The following RALB variants were observed in gnomAD, a reference collection of about 807,000 sequenced individuals.
RALB encodes the protein RAS like proto-oncogene B.
A neutral mutation model predicts 21.3 loss-of-function variants in RALB; 16 were observed. The observed-to-expected ratio is 0.75, with a 90% CI of 0.51 to 1.14. RALB has a LOEUF of 1.14. RALB is among the 50% of genes most tolerant of loss of function. The pLI is 0.00. For missense variants in RALB, 161 were observed against 256.2 expected (o/e 0.63, Z 2.54); for synonymous variants, 93 against 96.1 (o/e 0.97, Z 0.19).
chr2:120,289,676 G>A lies in RALB; in HGVS notation c.420G>A (p.Val140=), dbSNP rs1482922742. Residue 140 remains valine, a synonymous_variant, in exon 4 of 5, where the codon GTG becomes GTA. Coordinates refer to ENST00000272519, the MANE Select transcript of RALB (RefSeq NM_002881.3). ...SDLEERRQVP[V]EEARSKAEEW... ...TAGAGGAGCGGAGGCAGGTGCCTGT[G>A]GAGGAGGCCAGGAGTAAAGCCGAAG... 15 of 1,614,094 alleles carry A rather than the reference G, an allele frequency of 9.3e-6. No individual in the cohort carries two copies. The highest frequency in any genetic ancestry group is 1.3e-5 in the Non-Finnish European group (15 of 1,180,050).
chr2:120,286,276 CT>C (rs1380969702), intron 3 of RALB, among the ~76,000 whole-genome samples, 194 bp downstream of exon 3: 3 of 152,140 alleles, frequency 2.0e-5, no homozygotes, highest in Admixed American at 2.0e-4. Context: ...ATTATAATCT[CT>C]TTGGGCTTTC....
intron 2 of RALB, among the ~76,000 whole-genome samples, chr2:120,284,417 A>G (rs868462386): frequency 1.8e-4 from 27 of 146,764 alleles, no homozygotes; most frequent in African/African-American, 6.8e-4. Flanking sequence ...TTTTTTTTTG[A>G]GATGTAGTTT....
At chr2:120,254,593 G>T (rs543470332) in intron 1 of RALB, among the ~76,000 whole-genome samples, 3 of 152,314 alleles carry the variant, frequency 2.0e-5, no homozygotes, top group African/African-American at 7.2e-5. Flanking sequence ...AGAAGATGAG[G>T]GTAGAAAAGT....
intron 1 of RALB, among the ~76,000 whole-genome samples, chr2:120,240,579 G>T (rs900353429): frequency 1.3e-5 from 2 of 152,154 alleles, no homozygotes; most frequent in Admixed American, 6.5e-5. Flanking sequence ...GATCACAGGT[G>T]TGAGCCACCG....
At chr2:120,278,879 A>G in intron 2 of RALB, 101 bp downstream of exon 2, 1 of 1,149,820 alleles carries the variant, frequency 8.7e-7, no homozygotes, top group East Asian at 3.0e-5. Flanking sequence ...ACAGGGGTTC[A>G]CGGAGCAAGT....
At chr2:120,268,655 C>T (rs1029483668) in intron 1 of RALB, among the ~76,000 whole-genome samples, 1 of 152,164 alleles carries the variant, frequency 6.6e-6, no homozygotes, top group Non-Finnish European at 1.5e-5. Flanking sequence ...GCCTAGGTGA[C>T]AGAGCAAGAA....
rs1054456179 is a variant in RALB, at chr2:120,293,923, T to C, written c.*663T>C. On this transcript the variant is annotated 3_prime_UTR_variant, in exon 5 of 5. Transcript: ENST00000272519. ...AACATTGGCCTATTATAATCTGTGT[T>C]GGTTATTTTTCTCCTGTAAGCATCC... The C allele has an allele frequency of 2.6e-6, 1 of 386,878 alleles. No individual in the cohort carries two copies. Among genetic ancestry groups the C allele is most frequent in the Middle Eastern group, 6.6e-4 (1 of 1,522 alleles). 24.0% of individuals were successfully genotyped at this position (386,878 alleles called of 1,614,324 possible). A position where few individuals can be genotyped will look rare whatever the true frequency, so the allele number is the denominator to read the frequency against.
chr2:120,242,961 C>T (rs1688917845), intron 1 of RALB, among the ~76,000 whole-genome samples: 2 of 152,138 alleles, frequency 1.3e-5, no homozygotes, highest in African/African-American at 2.4e-5. Flanking sequence ...CGCGGACTAA[C>T]TGGCTTCCAG....
At chr2:120,274,960 G>A (rs756853863) in intron 1 of RALB, among the ~76,000 whole-genome samples, 7 of 152,142 alleles carry the variant, frequency 4.6e-5, no homozygotes, top group African/African-American at 1.7e-4. Flanking sequence ...TGAGACTCCC[G>A]AACACTCATT....
At chr2:120,251,164 A>C (rs1689048012), upstream of RALB, among the ~76,000 whole-genome samples, 1 of 152,180 alleles carries the variant, frequency 6.6e-6, no homozygotes, top group African/African-American at 2.4e-5. Flanking sequence ...CTCAACTATC[A>C]TACCCTTTTC....
At chr2:120,279,220 G>C (rs1240749901) in intron 2 of RALB, among the ~76,000 whole-genome samples, 2 of 152,062 alleles carry the variant, frequency 1.3e-5, no homozygotes, top group African/African-American at 2.4e-5. Context: ...TCTCCCGTGC[G>C]GCAAGGTAAA....
intron 1 of RALB, among the ~76,000 whole-genome samples, chr2:120,262,611 A>T (rs1689393633): frequency 2.0e-5 from 3 of 152,056 alleles, no homozygotes; most frequent in Admixed American, 1.3e-4. Context: ...CTGTTCTAGC[A>T]CCGTAGTTCC....
intron 4 of RALB, among the ~76,000 whole-genome samples, chr2:120,292,258 T>C (rs1312113953): frequency 6.6e-6 from 1 of 152,116 alleles, no homozygotes; most frequent in Non-Finnish European, 1.5e-5. Flanking sequence ...GGAGTGTGTG[T>C]GGGGAGGGAT....
chr2:120,280,103 C>G (rs1689950728), intron 2 of RALB, among the ~76,000 whole-genome samples: 3 of 152,174 alleles, frequency 2.0e-5, no homozygotes, highest in African/African-American at 4.8e-5. Flanking sequence ...TGGCACCTGA[C>G]ACAAGTGTGT....
chr2:120,247,782 C>T (rs1350194811), intron 1 of RALB, among the ~76,000 whole-genome samples: 1 of 152,224 alleles, frequency 6.6e-6, no homozygotes, highest in Non-Finnish European at 1.5e-5. Context: ...ATTGCCCTTA[C>T]CTGGTGCTTT....
At chr2:120,288,940 A>G (rs545853689) in intron 3 of RALB, among the ~76,000 whole-genome samples, 3 of 152,346 alleles carry the variant, frequency 2.0e-5, no homozygotes, top group Admixed American at 2.0e-4. Context: ...ATGCAGATCT[A>G]ATCAAAACTG....
At chr2:120,279,862 T>C (rs1316057582) in intron 2 of RALB, among the ~76,000 whole-genome samples, 1 of 152,230 alleles carries the variant, frequency 6.6e-6, no homozygotes, top group African/African-American at 2.4e-5. Context: ...CTTCCTCTTA[T>C]GCTGGGTGCA....
intron 1 of RALB, among the ~76,000 whole-genome samples, chr2:120,275,405 A>G (rs1689766689): frequency 6.6e-6 from 1 of 152,138 alleles, no homozygotes; most frequent in Admixed American, 6.5e-5. Context: ...CTTTCTTTTG[A>G]GCTCAGCTGT....
chr2:120,291,247 A>G (rs1241082466), intron 4 of RALB, among the ~76,000 whole-genome samples: 1 of 152,240 alleles, frequency 6.6e-6, no homozygotes. Context: ...GGATACATAT[A>G]TTGTACAACC....
Sources: allele counts gnomAD v4.1 joint callset (sites outside exome capture counted in the v4.1 genomes callset), GRCh38; gene constraint gnomAD v4.1.1; transcripts MANE v1.5; gene names NCBI Gene and HGNC (gene_info 2026-07-23, HGNC 2026-07-21).